The following CDH12 variants were observed in gnomAD, a reference collection of about 807,000 sequenced individuals.
CDH12 encodes the protein cadherin 12.
CDH12 carries 41 observed loss-of-function variants against 74.1 expected under a neutral mutation model. That is an observed-to-expected ratio of 0.55 (90% CI 0.43 to 0.72). The LOEUF (loss-of-function observed/expected upper bound fraction) is 0.72, where lower values mean the gene tolerates loss of function less well. Ranked by LOEUF, CDH12 falls within the 30% of genes least tolerant of loss-of-function variation. The pLI, the probability that CDH12 is intolerant of heterozygous loss-of-function variation, is 0.00. For synonymous variants in CDH12, 399 were observed against 355.0 expected (o/e 1.12, Z -1.39); for missense variants, 945 against 977.2 (o/e 0.97, Z 0.44).
chr5:21,866,937 T>A (rs1050128711), intron 6 of CDH12, among the ~76,000 whole-genome samples: 4 of 152,100 alleles, frequency 2.6e-5, no homozygotes, highest in African/African-American at 9.7e-5. Context: ...AGGGACATGG[T>A]GCTCTGTGTC....
intron 5 of CDH12, among the ~76,000 whole-genome samples, chr5:22,046,250 A>C (rs185254688): frequency 6.6e-6 from 1 of 152,264 alleles, no homozygotes; most frequent in East Asian, 1.9e-4. Flanking sequence ...AATTTAATTA[A>C]AATATTTGTT....
chr5:22,539,171 T>G (rs561437363), intron 1 of CDH12, among the ~76,000 whole-genome samples: 2 of 152,360 alleles, frequency 1.3e-5, no homozygotes, highest in East Asian at 1.9e-4. Flanking sequence ...ATATGTGTGT[T>G]GATATTCTGT....
intron 2 of CDH12, among the ~76,000 whole-genome samples, chr5:22,480,751 G>A (rs140838094): frequency 5.7e-4 from 87 of 152,166 alleles, no homozygotes; most frequent in African/African-American, 2.0e-3. Flanking sequence ...TTTTTCCATT[G>A]CAAATGCCCA....
At chr5:22,727,402 T>C (rs1213941518) in intron 1 of CDH12, among the ~76,000 whole-genome samples, 1 of 151,738 alleles carries the variant, frequency 6.6e-6, no homozygotes, top group Non-Finnish European at 1.5e-5. Flanking sequence ...TACAATTTAG[T>C]GGGTTTTTTT....
intron 2 of CDH12, among the ~76,000 whole-genome samples, chr5:22,458,401 C>G (rs1028001265): frequency 6.6e-6 from 1 of 152,160 alleles, no homozygotes; most frequent in African/African-American, 2.4e-5. Flanking sequence ...ACCCTATTTC[C>G]CAATAAGGCC....
chr5:22,323,220 T>C (rs1738955767), intron 3 of CDH12, among the ~76,000 whole-genome samples: 1 of 152,194 alleles, frequency 6.6e-6, no homozygotes, highest in South Asian at 2.1e-4. Context: ...CTATACTCTG[T>C]ATGTTTCATG....
intron 1 of CDH12, among the ~76,000 whole-genome samples, chr5:22,568,126 C>A (rs1391697375): frequency 1.3e-5 from 2 of 152,174 alleles, no homozygotes; most frequent in East Asian, 3.8e-4. Flanking sequence ...GGATTTTATT[C>A]TAGATTGTTA....
At chr5:22,553,044 T>A (rs1738646071) in intron 1 of CDH12, among the ~76,000 whole-genome samples, 1 of 152,138 alleles carries the variant, frequency 6.6e-6, no homozygotes, top group Non-Finnish European at 1.5e-5. Flanking sequence ...AATAAATGCC[T>A]ACAAAACCTC....
At chr5:21,927,300 A>G (rs76754566) in intron 6 of CDH12, among the ~76,000 whole-genome samples, 3,098 of 152,232 alleles carry the variant, frequency 0.02, 113 homozygotes, top group African/African-American at 0.071. Context: ...ATTATAATAA[A>G]TCAGGCCGGG....
intron 2 of CDH12, among the ~76,000 whole-genome samples, chr5:22,408,703 G>T (rs1162227460): frequency 6.6e-6 from 1 of 151,298 alleles, no homozygotes; most frequent in Non-Finnish European, 1.5e-5. Flanking sequence ...TGAATGTATT[G>T]CTGCCCACAT....
At chr5:22,698,715 A>AG (rs1742533451) in intron 1 of CDH12, among the ~76,000 whole-genome samples, 29 of 35,504 alleles carry the variant, frequency 8.2e-4, no homozygotes, top group African/African-American at 2.8e-3. Context: ...ATATATATAT[A>AG]TATATATATA....
Position 21,828,693 on chromosome 5 carries a change from C to T in CDH12, c.815-11561G>A, listed in dbSNP as rs532490017. 4.6e-5 allele frequency among the ~76,000 whole-genome samples: 7 copies of T among 152,126 alleles called. No individual in the cohort carries two copies. In the East Asian group the frequency reaches 1.4e-3, roughly 29 times the overall value. On this transcript the variant is annotated intron_variant, in intron 8 of 14. Coordinates refer to ENST00000382254, the MANE Select transcript of CDH12 (RefSeq NM_004061.5). ...GGTTTACATTTTCTGTCTTTTCCCG[C>T]ATTTTATTTTTTTAATATTTTCTGT... is the stretch of plus-strand genomic sequence containing the variant.
At chr5:22,072,787 C>T (rs113482111) in intron 5 of CDH12, among the ~76,000 whole-genome samples, 31 of 151,866 alleles carry the variant, frequency 2.0e-4, no homozygotes, top group African/African-American at 6.3e-4. Context: ...GTTCAATTCC[C>T]ACCTATTATT....
chr5:22,118,867 A>G (rs933583281), intron 4 of CDH12, among the ~76,000 whole-genome samples: 1 of 152,126 alleles, frequency 6.6e-6, no homozygotes, highest in Non-Finnish European at 1.5e-5. Context: ...GACTAGAATA[A>G]AAACAAGGAG....
intron 1 of CDH12, among the ~76,000 whole-genome samples, chr5:22,771,791 C>T (rs918399859): frequency 7.9e-5 from 12 of 152,074 alleles, no homozygotes; most frequent in African/African-American, 2.4e-4. Flanking sequence ...AGCCTACGGA[C>T]TCAAGTTGCA....
chr5:21,970,839 CAAAAAAAAAAAAAAAAAAAAA>C (rs1167373938), intron 6 of CDH12, among the ~76,000 whole-genome samples: 3 of 27,790 alleles, frequency 1.1e-4, no homozygotes, highest in Non-Finnish European at 1.9e-4. Flanking sequence ...GACTCTTTCT[CAAAAAAAAAAAAAAAAAAAAA>C]AAAAAAAAAA....
chr5:22,687,252 C>G (rs1741852159), intron 1 of CDH12, among the ~76,000 whole-genome samples: 1 of 151,598 alleles, frequency 6.6e-6, no homozygotes, highest in South Asian at 2.1e-4. Context: ...CGAGATTGAG[C>G]CACTGTACTG....
intron 1 of CDH12, among the ~76,000 whole-genome samples, chr5:22,747,475 A>C (rs1745351007): frequency 6.6e-6 from 1 of 150,716 alleles, no homozygotes; most frequent in Admixed American, 6.6e-5. Flanking sequence ...AAAAAAAAAA[A>C]CTACAAAAAT....
intron 6 of CDH12, among the ~76,000 whole-genome samples, chr5:21,873,241 G>A (rs1199171138): frequency 6.6e-6 from 1 of 152,148 alleles, no homozygotes; most frequent in Non-Finnish European, 1.5e-5. Flanking sequence ...TACATTAGAT[G>A]TTGAATTTCA....
Sources: allele counts gnomAD v4.1 joint callset (sites outside exome capture counted in the v4.1 genomes callset), GRCh38; gene constraint gnomAD v4.1.1; transcripts MANE v1.5; gene names NCBI Gene and HGNC (gene_info 2026-07-23, HGNC 2026-07-21).